The following DNAH5 variants were observed in gnomAD, a reference collection of about 807,000 sequenced individuals.
The protein encoded by DNAH5 is axonemal beta dynein heavy chain 5.
A neutral mutation model predicts 518.2 loss-of-function variants in DNAH5; 372 were observed. The observed-to-expected ratio is 0.72, with a 90% CI of 0.66 to 0.78. DNAH5 has a LOEUF of 0.78. DNAH5 is among the 30% of genes least tolerant of loss of function. The pLI is 0.00. For missense variants in DNAH5, 5,523 were observed against 5,687.0 expected (o/e 0.97, Z 0.93); for synonymous variants, 2,039 against 2,025.9 (o/e 1.01, Z -0.17).
chr5:13,788,098 T>C (rs1482980404), intron 51 of DNAH5, among the ~76,000 whole-genome samples: 1 of 152,212 alleles, frequency 6.6e-6, no homozygotes, highest in Non-Finnish European at 1.5e-5. Context: ...CAATTTCCCC[T>C]GGAACCATAA....
chr5:13,702,896 A>G (rs1429087347), intron 76 of DNAH5, among the ~76,000 whole-genome samples: 3 of 152,042 alleles, frequency 2.0e-5, no homozygotes, highest in African/African-American at 7.2e-5. Context: ...CATTTAGCCA[A>G]GTAACCTACA....
chr5:13,705,199 C>G (rs911049995), intron 76 of DNAH5, among the ~76,000 whole-genome samples: 1 of 152,016 alleles, frequency 6.6e-6, no homozygotes, highest in Non-Finnish European at 1.5e-5. Flanking sequence ...TTTCACCGTG[C>G]TAGCCAGGAT....
chr5:13,739,471 A>G (rs34674518), intron 65 of DNAH5, among the ~76,000 whole-genome samples: 48,439 of 151,948 alleles, frequency 0.32, 9,128 homozygotes, highest in Non-Finnish European at 0.43. Flanking sequence ...CCAGCCATGC[A>G]GAACTGTGAG....
At chr5:13,932,933 G>T (rs1057370858) in intron 1 of DNAH5, among the ~76,000 whole-genome samples, 3 of 152,238 alleles carry the variant, frequency 2.0e-5, no homozygotes, top group Non-Finnish European at 4.4e-5. Flanking sequence ...TAACATGCAG[G>T]TTCTCAATTT....
chr5:13,998,847 C>A (rs1214580243), intron 1 of DNAH5, among the ~76,000 whole-genome samples: 1 of 152,056 alleles, frequency 6.6e-6, no homozygotes, highest in Non-Finnish European at 1.5e-5. Context: ...TTGAGAATTT[C>A]TTTTCTTTTT....
At chr5:13,912,133 A>G (rs1417076815) in intron 11 of DNAH5, among the ~76,000 whole-genome samples, 2 of 152,284 alleles carry the variant, frequency 1.3e-5, no homozygotes, top group South Asian at 2.1e-4. Context: ...GCTTTCAATA[A>G]TGAGCTATAA....
chr5:13,746,064 C>T (rs1217617217), intron 65 of DNAH5, among the ~76,000 whole-genome samples: 4 of 151,992 alleles, frequency 2.6e-5, no homozygotes, highest in Non-Finnish European at 5.9e-5. Context: ...TTTCATATAA[C>T]ATCAATATTA....
At chr5:13,818,814 C>A (rs1229564649) in intron 41 of DNAH5, among the ~76,000 whole-genome samples, 3 of 152,182 alleles carry the variant, frequency 2.0e-5, no homozygotes, top group Non-Finnish European at 4.4e-5. Context: ...AATCAGGGGA[C>A]AAATAATATG....
intron 1 of DNAH5, among the ~76,000 whole-genome samples, chr5:13,980,843 C>T (rs979822915): frequency 6.6e-6 from 1 of 152,232 alleles, no homozygotes; most frequent in South Asian, 2.1e-4. Context: ...CCTCCAGGCA[C>T]TGGGCCTCCC....
chr5:13,901,790 T>C (rs1774661811), intron 13 of DNAH5, among the ~76,000 whole-genome samples: 1 of 152,152 alleles, frequency 6.6e-6, no homozygotes, highest in African/African-American at 2.4e-5. Flanking sequence ...TTTCAAATTA[T>C]CTATACATTA....
intron 1 of DNAH5, among the ~76,000 whole-genome samples, chr5:13,951,048 G>A (rs1348840972): frequency 6.6e-6 from 1 of 152,038 alleles, no homozygotes; most frequent in African/African-American, 2.4e-5. Context: ...CTTTATGAAA[G>A]CATTAGGAGC....
chr5:13,798,985 C>T (rs1758296783), intron 47 of DNAH5, among the ~76,000 whole-genome samples: 1 of 151,924 alleles, frequency 6.6e-6, no homozygotes, highest in African/African-American at 2.4e-5. Flanking sequence ...AAGCTAGTCT[C>T]AAACTCCTGA....
chr5:13,858,313 CA>C (rs2151897588), intron 30 of DNAH5, among the ~76,000 whole-genome samples: 1 of 152,200 alleles, frequency 6.6e-6, no homozygotes, highest in East Asian at 1.9e-4. Context: ...AAAACTAGCA[CA>C]GGAATGGAAA....
intron 35 of DNAH5, among the ~76,000 whole-genome samples, chr5:13,835,110 C>A (rs1764193244): frequency 6.6e-6 from 1 of 151,962 alleles, no homozygotes; most frequent in Non-Finnish European, 1.5e-5. Context: ...CACGGTGAAA[C>A]CCCGCATCTA....
chr5:13,862,870 T>C, intron 28 of DNAH5, 123 bp from the exon 29 acceptor site: 2 of 237,110 alleles, frequency 8.4e-6, no homozygotes, highest in Non-Finnish European at 1.4e-5. Context: ...ATATAAACTT[T>C]TATATTTCCA....
At chr5:13,952,747 G>A (rs1780511158) in intron 1 of DNAH5, among the ~76,000 whole-genome samples, 1 of 152,134 alleles carries the variant, frequency 6.6e-6, no homozygotes, top group Admixed American at 6.5e-5. Flanking sequence ...TGCCAAGGAG[G>A]ACAAAAATAA....
At chr5:13,974,644 C>T (rs1782108444) in intron 1 of DNAH5, among the ~76,000 whole-genome samples, 1 of 152,130 alleles carries the variant, frequency 6.6e-6, no homozygotes, top group Admixed American at 6.5e-5. Context: ...CCCAGGGAGG[C>T]TGAAACATTG....
intron 1 of DNAH5, among the ~76,000 whole-genome samples, chr5:13,985,430 A>AATATATATATATATATAT (rs145568740): frequency 7.5e-4 from 96 of 127,278 alleles, no homozygotes; most frequent in Non-Finnish European, 1.2e-3. Context: ...AGTATAATAA[A>AATATATATATATATATAT]ATATATATAT....
chr5:13,752,625 ATCC>A (rs760006150), intron 63 of DNAH5, among the ~76,000 whole-genome samples: 21 of 152,252 alleles, frequency 1.4e-4, no homozygotes, highest in Non-Finnish European at 1.6e-4. Flanking sequence ...CTTGGGTCCC[ATCC>A]TCAAGTTATC....
Sources: allele counts gnomAD v4.1 joint callset (sites outside exome capture counted in the v4.1 genomes callset), GRCh38; gene constraint gnomAD v4.1.1; transcripts MANE v1.5; gene names NCBI Gene and HGNC (gene_info 2026-07-23, HGNC 2026-07-21).